Variants in HYOU1 observed in about 807,000 individuals in gnomAD.
The protein encoded by HYOU1 is hypoxia up-regulated protein 1.
HYOU1 carries 40 observed loss-of-function variants against 120.5 expected under a neutral mutation model. The ratio of observed to expected loss-of-function variants is 0.33; its 90% confidence interval spans 0.26 to 0.43. HYOU1 has a LOEUF of 0.43. Among genes scored for constraint, HYOU1 ranks in the 20% least tolerant of loss-of-function variants. The probability of loss-of-function intolerance (pLI) is 1.00; values close to 1 mark genes in which losing one functional copy is unlikely to be tolerated. For missense variants in HYOU1, 1,085 were observed against 1,278.3 expected (o/e 0.85, Z 2.31); for synonymous variants, 501 against 479.4 (o/e 1.05, Z -0.59).
At chr11:119,056,634 C>T (rs1348596565) in intron 1 of HYOU1, among the ~76,000 whole-genome samples, 2 of 152,214 alleles carry the variant, frequency 1.3e-5, no homozygotes, top group Admixed American at 6.5e-5. Flanking sequence ...TTGGGGGTAG[C>T]TAGGATGAAG....
chr11:119,054,347 C>T, intron 7 of HYOU1, 111 bp from the exon 8 acceptor site: 1 of 1,189,272 alleles, frequency 8.4e-7, no homozygotes, highest in African/African-American at 1.5e-5. Context: ...CAAAACTAAA[C>T]AGCTCCAACA....
intron 6 of HYOU1, 137 bp downstream of exon 6, chr11:119,054,846 AC>A (rs1944658114): frequency 3.8e-6 from 4 of 1,053,556 alleles, no homozygotes; most frequent in Non-Finnish European, 4.1e-6. Flanking sequence ...TAGCAGGTGC[AC>A]CCCTCAGATG....
chr11:119,051,466 G>A lies in HYOU1; in HGVS notation c.1498C>T (p.Leu500=), dbSNP rs1944434967. The A allele has an allele frequency of 1.2e-6, 2 of 1,614,138 alleles. No individual in the cohort carries two copies. Among genetic ancestry groups the A allele is most frequent in the Non-Finnish European group, 1.7e-6 (2 of 1,180,024 alleles). Residue 500 remains leucine (L), a synonymous_variant, in exon 13 of 26, where the codon CTG becomes TTG. Transcript: ENST00000617285. This position sits in a 1 kb window ranked among gnomAD's most constrained non-coding sequence, Gnocchi z 4.2. The part of the protein sequence containing the change: ...DFNFHINYGD[L]GFLGPEDLRV... Reference sequence around the variant, plus strand: ...AGATCTTCAGGCCCCAGGAAGCCCAGGTCGCCGTAGTTGATGTGGAAGTTG... The same window carrying A: ...AGATCTTCAGGCCCCAGGAAGCCCAAGTCGCCGTAGTTGATGTGGAAGTTG...
chr11:119,056,541 C>T, intron 1 of HYOU1: 1 of 375,820 alleles, frequency 2.7e-6, no homozygotes, highest in Non-Finnish European at 5.2e-6. Context: ...CCGCCCAGGG[C>T]TCAACCACCT....
chr11:119,054,800 G>T, intron 6 of HYOU1, 125 bp from the exon 7 acceptor site: 2 of 1,144,312 alleles, frequency 1.7e-6, no homozygotes, highest in Non-Finnish European at 2.5e-6. Flanking sequence ...TGCACTGTAG[G>T]ATGTTGAGCA....
In HYOU1 at chr11:119,052,333, G is replaced by T; in HGVS notation, c.1084C>A (p.Pro362Thr). 6.2e-7 allele frequency: 1 copy of T among 1,614,158 alleles called. No individual in the cohort carries two copies. The highest frequency in any genetic ancestry group is 1.1e-5 in the South Asian group (1 of 91,080). The change falls in exon 10 of 26, where the codon CCT becomes ACT. Residue 362 changes from proline (P) to threonine (T), a missense_variant. By Grantham distance (38) the Pro-to-Thr change is conservative. Around this residue, in one of 4 missense-constraint regions of HYOU1, gnomAD observed 515 missense variants for 677.8 expected, o/e 0.76. Transcript: ENST00000617285. The surrounding 1 kb of genome is among the most constrained non-coding windows in gnomAD (Gnocchi z 5.0). Reference sequence around the variant, plus strand: ...GCACTCTGGAGGGCCTGCTGTACAGGCCCAGGCACCCGCTCAAACAAGTCT... The same window carrying T: ...GCACTCTGGAGGGCCTGCTGTACAGTCCCAGGCACCCGCTCAAACAAGTCT... ...CADLFERVPG[P>T]VQQALQSAEM...
In HYOU1 at chr11:119,054,116, C is replaced by G. The variant is rs2133602879; in HGVS notation, c.794+5G>C. ...AGCAGCCCTCCCTGCCAAGTATCCACTTACCCTACTCCCCGGATCTGCAGC... is the reference window on the plus strand; with the variant it reads ...AGCAGCCCTCCCTGCCAAGTATCCAGTTACCCTACTCCCCGGATCTGCAGC... On this transcript the variant is annotated splice_donor_5th_base_variant and intron_variant, in intron 8 of 25. Transcript: ENST00000617285. 7 of 1,596,824 alleles carry G rather than the reference C, an allele frequency of 4.4e-6. No individual in the cohort carries two copies. In the East Asian group the frequency reaches 1.6e-4, roughly 36 times the overall value.
Position 119,045,119 on chromosome 11 carries a change from A to G in HYOU1, c.*474T>C. 2.2e-6 allele frequency: 1 copy of G among 455,948 alleles called. No individual in the cohort carries two copies. Among genetic ancestry groups the G allele is most frequent in the Non-Finnish European group, 4.4e-6 (1 of 226,548 alleles). 28.2% of individuals were successfully genotyped at this position (455,948 alleles called of 1,614,324 possible). A position where few individuals can be genotyped will look rare whatever the true frequency, so the allele number is the denominator to read the frequency against. Reference sequence around the variant, plus strand: ...GAAAGAGCACAGATAGGCACTCAGAAACCAAACCTGGTAACTGAGGCTCTG... The same window carrying G: ...GAAAGAGCACAGATAGGCACTCAGAGACCAAACCTGGTAACTGAGGCTCTG... On this transcript the variant is annotated 3_prime_UTR_variant, in exon 26 of 26. Transcript: ENST00000617285.
Position 119,049,761 on chromosome 11 carries a change from T to A in HYOU1, c.1726+16A>T, listed in dbSNP as rs2133575443. 9.9e-6 allele frequency: 16 copies of A among 1,613,132 alleles called. No individual in the cohort carries two copies. In the Admixed American group the frequency reaches 2.5e-4, roughly 25 times the overall value. Reference sequence around the variant, plus strand: ...AAGTATATTCTCTCCCATACACACATGCATGCTCATCTTACTGGTGAGAGT... The same window carrying A: ...AAGTATATTCTCTCCCATACACACAAGCATGCTCATCTTACTGGTGAGAGT... On this transcript the variant is annotated intron_variant, in intron 15 of 25. Transcript: ENST00000617285.
chr11:119,047,577 G>T, intron 22 of HYOU1, 157 bp downstream of exon 22: 1 of 655,368 alleles, frequency 1.5e-6, no homozygotes, highest in Non-Finnish European at 2.7e-6. Context: ...CCCTTGCTTG[G>T]GACTAATCAG....
intron 6 of HYOU1, among the ~76,000 whole-genome samples, 154 bp downstream of exon 6, chr11:119,054,830 A>G (rs1944657175): frequency 1.3e-5 from 2 of 152,164 alleles, no homozygotes; most frequent in Admixed American, 1.3e-4. Flanking sequence ...GCCTCTACCC[A>G]CTAGATAGCA....
chr11:119,047,141 G>A (rs113039625), intron 22 of HYOU1: 208 of 222,924 alleles, frequency 9.3e-4, no homozygotes, highest in African/African-American at 3.0e-3. Context: ...TGCAACCTCC[G>A]ACTCCTGGGT....
In HYOU1 at chr11:119,048,023, C is replaced by T. The variant is rs1944188646; in HGVS notation, c.2434G>A (p.Val812Ile). 7.4e-6 allele frequency: 12 copies of T among 1,614,082 alleles called. No individual in the cohort carries two copies. The highest frequency in any genetic ancestry group is 9.3e-6 in the Non-Finnish European group (11 of 1,180,044). The change falls in exon 21 of 26, where the codon GTA (valine) becomes ATA (isoleucine). Residue 812 changes from valine to isoleucine, a missense_variant. By Grantham distance (29) the Val-to-Ile change is conservative. Around this residue, in one of 4 missense-constraint regions of HYOU1, gnomAD observed 516 missense variants for 517.1 expected, o/e 1.00. Coordinates refer to ENST00000617285, the MANE Select transcript of HYOU1 (RefSeq NM_006389.5). This position sits in a 1 kb window ranked among gnomAD's most constrained non-coding sequence, Gnocchi z 4.7. ...TCGGGCCACTTCTTGCGCTCCTCTA[C>T]CCGAAAAAACAGCCCTTGGCACAGC... is the stretch of plus-strand genomic sequence containing the variant. Reference protein sequence around the residue: ...RKLCQGLFFRVEERKKWPERL... With the variant: ...RKLCQGLFFRIEERKKWPERL...
At chr11:119,047,550 G>A (rs1944158673) in intron 22 of HYOU1, 184 bp downstream of exon 22, 1 of 586,320 alleles carries the variant, frequency 1.7e-6, no homozygotes, top group Non-Finnish European at 3.0e-6. Flanking sequence ...CCAGGCTGAT[G>A]ACTCTTATGG....
chr11:119,056,077 T>C lies in HYOU1; in HGVS notation c.84A>G (p.Ala28=). 6.2e-7 allele frequency: 1 copy of C among 1,613,886 alleles called. No homozygotes were observed. The highest frequency in any genetic ancestry group is 8.5e-7 in the Non-Finnish European group (1 of 1,179,808). The part of the protein sequence containing the change: ...LVAVLLADLL[A]LSDTLAVMSV... ...CTCTACTGGGGTACATACCACTCAGTGCCAACAGGTCTGCCAAGAGCACAG... is the reference window on the plus strand; with the variant it reads ...CTCTACTGGGGTACATACCACTCAGCGCCAACAGGTCTGCCAAGAGCACAG... The change falls in exon 2 of 26, where the codon GCA becomes GCG. Residue 28 remains alanine (A), a synonymous_variant. Transcript: ENST00000617285.
rs1258056574 is a variant in HYOU1, at chr11:119,049,837, C to T, written c.1666G>A (p.Val556Met). The change falls in exon 15 of 26, where the codon GTG (valine) becomes ATG (methionine). Residue 556 changes from valine (V) to methionine (M), a missense_variant and splice_region_variant. Coordinates refer to ENST00000617285, the MANE Select transcript of HYOU1 (RefSeq NM_006389.5). ...DESGVLSLDRVESVFETLVED... is the reference protein window; with the variant it reads ...DESGVLSLDRMESVFETLVED... ...ACCAGTGTCTCAAATACAGACTCCA[C>T]CTGAAAACAGGTTCAAAATGAAAAA... is the stretch of plus-strand genomic sequence containing the variant. The T allele has an allele frequency of 1.9e-6, 3 of 1,613,856 alleles. No individual in the cohort carries two copies.
Position 119,057,010 on chromosome 11 carries a change from C to T in HYOU1, c.-8+10G>A, listed in dbSNP as rs1944824251. ...GGTGGCCGGCCCGCACCTCCATCCACCCCCGCTACCTCTTGCCTCCGCTCC... is the reference window on the plus strand; with the variant it reads ...GGTGGCCGGCCCGCACCTCCATCCATCCCCGCTACCTCTTGCCTCCGCTCC... On this transcript the variant is annotated intron_variant, in intron 1 of 25. Transcript: ENST00000617285. The T allele has an allele frequency of 6.6e-6, 1 of 152,350 alleles. No homozygotes were observed. Among genetic ancestry groups the T allele is most frequent in the Non-Finnish European group, 1.5e-5 (1 of 68,206 alleles). The allele number at this position is 152,350 out of a possible 1,614,324, so 9.4% of individuals were successfully genotyped here.
rs2133567326 is a variant in HYOU1 at position 119,048,802 on chromosome 11, G to A, written c.2077C>T (p.Arg693Trp). The A allele has an allele frequency of 9.3e-6, 15 of 1,613,926 alleles. No individual in the cohort carries two copies. The highest frequency in any genetic ancestry group is 1.7e-5 in the Admixed American group (1 of 59,978). ...GEKKQKPARK[R>W]RMVEEIGVEL... ...ACCCCGATCTCCTCTACCATTCGCC[G>A]CTTCCTGGCGGGCTTCTGCTTCTTC... is the stretch of plus-strand genomic sequence containing the variant. The change falls in exon 18 of 26, where the codon CGG (arginine) becomes TGG (tryptophan). Residue 693 changes from arginine (R) to tryptophan (W), a missense_variant. Transcript: ENST00000617285. This position sits in a 1 kb window ranked among gnomAD's most constrained non-coding sequence, Gnocchi z 4.7.
Position 119,051,225 on chromosome 11 carries a change from C to A in HYOU1, c.1527-52G>T, listed in dbSNP as rs1198360689. 2 of 1,607,920 alleles carry A rather than the reference C, an allele frequency of 1.2e-6. No individual in the cohort carries two copies. The highest frequency in any genetic ancestry group is 1.7e-6 in the Non-Finnish European group (2 of 1,176,428). On this transcript the variant is annotated intron_variant, in intron 13 of 25. Coordinates refer to ENST00000617285, the MANE Select transcript of HYOU1 (RefSeq NM_006389.5). The surrounding 1 kb of genome is among the most constrained non-coding windows in gnomAD (Gnocchi z 4.2). ...GGGGGACCCACCCCAGCCCATCTCG[C>A]CCTCTAGACTACATGGCCTCCTGGC...
Sources: allele counts gnomAD v4.1 joint callset (sites outside exome capture counted in the v4.1 genomes callset), GRCh38; gene constraint gnomAD v4.1.1; regional missense constraint gnomAD v4.1.1; non-coding constraint Gnocchi (gnomAD v3.1); transcripts MANE v1.5; gene names NCBI Gene and HGNC (gene_info 2026-07-23, HGNC 2026-07-21).